Variants in DNAH11 observed in about 807,000 individuals in gnomAD.
The protein encoded by DNAH11 is axonemal beta dynein heavy chain 11.
A neutral mutation model predicts 526.0 loss-of-function variants in DNAH11; 442 were observed. That is an observed-to-expected ratio of 0.84 (90% CI 0.78 to 0.91). The LOEUF (loss-of-function observed/expected upper bound fraction) is 0.91. Ranked by LOEUF, DNAH11 falls within the 40% of genes least tolerant of loss-of-function variation. The probability of loss-of-function intolerance (pLI) is 0.00; values close to 1 mark genes in which losing one functional copy is unlikely to be tolerated. For missense variants in DNAH11, 6,989 were observed against 5,448.7 expected (o/e 1.28, Z -8.90); for synonymous variants, 2,461 against 1,935.9 (o/e 1.27, Z -7.12).
intron 2 of DNAH11, among the ~76,000 whole-genome samples, chr7:21,548,442 G>C (rs1782887403): frequency 6.6e-6 from 1 of 152,142 alleles, no homozygotes. Flanking sequence ...AGAGCTCTTT[G>C]GTTTTGGGCC....
intron 6 of DNAH11, 21 bp from the exon 7 acceptor site, chr7:21,570,048 T>C: frequency 6.5e-7 from 1 of 1,536,432 alleles, no homozygotes; most frequent in Non-Finnish European, 8.8e-7. Context: ...TTGATCATTG[T>C]TCCCTTTCAT....
At position 21,742,001 on chromosome 7, in the gene DNAH11, C is replaced by T. The variant is rs374678451; in HGVS notation, c.7989C>T (p.Ser2663=). ...ACACCATCTATGGCCAAATCTTTAG[C>T]TTCCATTTCCAACAGCAAGCATTTG... ...ALNTIYGQIF[S]FHFQQQAFAP... The change falls in exon 49 of 82, where the codon AGC becomes AGT. Residue 2663 remains serine (S), a synonymous_variant. Coordinates refer to ENST00000409508, the MANE Select transcript of DNAH11 (RefSeq NM_001277115.2). 7.2e-5 allele frequency: 116 copies of T among 1,613,842 alleles called. 2 individuals are homozygous for T. The South Asian group carries it at 1.0e-3, about 14-fold the overall frequency.
At chr7:21,691,998 A>C (rs1783650983) in intron 35 of DNAH11, among the ~76,000 whole-genome samples, 1 of 152,258 alleles carries the variant, frequency 6.6e-6, no homozygotes, top group African/African-American at 2.4e-5. Flanking sequence ...CAATGTATGC[A>C]CTTAGCAGGA....
intron 54 of DNAH11, among the ~76,000 whole-genome samples, chr7:21,755,967 T>C (rs1786616531): frequency 6.6e-6 from 1 of 152,284 alleles, no homozygotes; most frequent in African/African-American, 2.4e-5. Flanking sequence ...ATGTTATTTA[T>C]ATGTCCAGAA....
chr7:21,636,288 G>A (rs1786860370), intron 26 of DNAH11, among the ~76,000 whole-genome samples, 193 bp downstream of exon 26: 1 of 152,166 alleles, frequency 6.6e-6, no homozygotes, highest in Non-Finnish European at 1.5e-5. Context: ...CCTTCTGAAT[G>A]CTGCCATTAC....
intron 61 of DNAH11, among the ~76,000 whole-genome samples, chr7:21,794,260 T>G (rs534762566): frequency 6.6e-6 from 1 of 152,206 alleles, no homozygotes; most frequent in African/African-American, 2.4e-5. Flanking sequence ...CGCTCCTTGC[T>G]TTGTTTATTT....
At chr7:21,895,112 A>G in intron 79 of DNAH11, 113 bp downstream of exon 79, 1 of 846,548 alleles carries the variant, frequency 1.2e-6, no homozygotes, top group Non-Finnish European at 1.8e-6. Context: ...ACTGTTCTCA[A>G]CCTGTAACCG....
At chr7:21,604,186 A>C (rs368587265) in intron 18 of DNAH11, among the ~76,000 whole-genome samples, 1 of 152,218 alleles carries the variant, frequency 6.6e-6, no homozygotes, top group African/African-American at 2.4e-5. Flanking sequence ...GGCTATGCCT[A>C]CTAAGAGTTG....
intron 49 of DNAH11, among the ~76,000 whole-genome samples, chr7:21,742,821 G>A (rs560577931): frequency 3.3e-5 from 5 of 152,154 alleles, no homozygotes; most frequent in South Asian, 2.1e-4. Flanking sequence ...CTTTGTCTGC[G>A]CTTCCGTGAC....
intron 21 of DNAH11, 93 bp from the exon 22 acceptor site, chr7:21,616,116 G>C (rs1785767681): frequency 1.1e-6 from 1 of 914,472 alleles, no homozygotes; most frequent in African/African-American, 1.6e-5. Context: ...CTGGATGATA[G>C]AGTTACAGTG....
Position 21,892,664 on chromosome 7 carries a change from A to G in DNAH11, c.12747A>G (p.Glu4249=). 1 of 1,595,464 alleles carries G rather than the reference A, an allele frequency of 6.3e-7. No individual in the cohort carries two copies. The highest frequency in any genetic ancestry group is 2.3e-5 in the East Asian group (1 of 44,060). ...ATGAACTGGGGCAGTCTACAGAAGAAAAGGTAGAGGGTCTTTCCTTCCTTT... is the reference window on the plus strand; with the variant it reads ...ATGAACTGGGGCAGTCTACAGAAGAGAAGGTAGAGGGTCTTTCCTTCCTTT... ...SGDELGQSTE[E]KVKNVLDDIL... is the part of the protein sequence containing the mutation. The change falls in exon 77 of 82, where the codon GAA becomes GAG. Residue 4249 remains glutamate (E), a synonymous_variant. Transcript: ENST00000409508.
rs1287536955 is a variant in DNAH11 at position 21,600,832 on chromosome 7, C to T, written c.3157C>T (p.Leu1053Phe). The T allele has an allele frequency of 3.1e-6, 5 of 1,613,790 alleles. No homozygotes were observed. Among genetic ancestry groups the T allele is most frequent in the Middle Eastern group, 1.6e-4 (1 of 6,082 alleles). ...TCGAGCTGAGTTTATGAAGCATTTT[C>T]TCTTGTATGGCCATGCTGTGTCTTC... ...DDRAEFMKHF[L>F]LYGHAVSSDE... Residue 1053 changes from leucine (L) to phenylalanine (F), a missense_variant, in exon 16 of 82, where the codon CTC (leucine) becomes TTC (phenylalanine). Physicochemically the swap from Leu to Phe is conservative, Grantham distance 22. Transcript: ENST00000409508.
Position 21,601,528 on chromosome 7 carries a change from T to C in DNAH11, c.3558T>C (p.Thr1186=). ...CTGTAAGAAGCCGACAGAGAGCTAC[T>C]GATGAACTCTTTGAACCTCTAAAAG... The part of the protein sequence containing the change: ...LLAVRSRQRA[T]DELFEPLKET... The change falls in exon 18 of 82, where the codon ACT becomes ACC. Residue 1186 remains threonine, a synonymous_variant. Coordinates refer to ENST00000409508, the MANE Select transcript of DNAH11 (RefSeq NM_001277115.2). The C allele has an allele frequency of 6.2e-7, 1 of 1,613,688 alleles. No homozygotes were observed. Among genetic ancestry groups the C allele is most frequent in the East Asian group, 2.2e-5 (1 of 44,862 alleles).
intron 29 of DNAH11, among the ~76,000 whole-genome samples, chr7:21,656,709 G>A (rs10441053): frequency 0.086 from 13,145 of 152,178 alleles, 736 homozygotes; most frequent in African/African-American, 0.16. Flanking sequence ...AACCATTTGG[G>A]TTGGGGCAGG....
Position 21,588,568 on chromosome 7 carries a change from G to T in DNAH11, c.1905G>T (p.Met635Ile). Residue 635 changes from methionine to isoleucine, a missense_variant, in exon 11 of 82, where the codon ATG becomes ATT. Transcript: ENST00000409508. The stretch of plus-strand genomic sequence containing the variant: ...ACATGCCATTTACCTCAGGAAATAT[G>T]AAATGGGCCCAGCAGGTTCTCCAAC... ...NKNMPFTSGN[M>I]KWAQQVLQRL... 1.2e-6 allele frequency: 2 copies of T among 1,613,648 alleles called. No homozygotes were observed. The highest frequency in any genetic ancestry group is 2.2e-5 in the South Asian group (2 of 91,072).
At chr7:21,863,141 A>G (rs1236843650) in intron 69 of DNAH11, among the ~76,000 whole-genome samples, 3 of 151,860 alleles carry the variant, frequency 2.0e-5, no homozygotes, top group Non-Finnish European at 4.4e-5. Context: ...CCACATTCCT[A>G]GATAAAATAA....
rs373354778 is a variant in DNAH11 at position 21,683,798 on chromosome 7, A to G, written c.5475A>G (p.Gln1825=). The G allele has an allele frequency of 1.1e-5, 17 of 1,608,346 alleles. No homozygotes were observed. The highest frequency in any genetic ancestry group is 6.7e-5 in the African/African-American group (5 of 74,898). The change falls in exon 32 of 82, where the codon CAA becomes CAG. Residue 1825 remains glutamine, a synonymous_variant. Transcript: ENST00000409508. The part of the protein sequence containing the change: ...KLISQKVVSP[Q]AFTWLSQLRH... ...AATGCCTTTAGGTTGTCAGTCCCCA[A>G]GCTTTTACATGGCTGTCTCAACTTC... is the stretch of plus-strand genomic sequence containing the variant.
chr7:21,606,310 C>A, intron 18 of DNAH11, 116 bp from the exon 19 acceptor site: 1 of 864,658 alleles, frequency 1.2e-6, no homozygotes. Flanking sequence ...GGGATAGAGC[C>A]AGACCTTGTC....
intron 35 of DNAH11, among the ~76,000 whole-genome samples, chr7:21,694,959 A>G (rs138849919): frequency 0.012 from 1,764 of 152,314 alleles, 28 homozygotes; most frequent in African/African-American, 0.038. Context: ...AGTGATGATG[A>G]ACTTTTTTTC....
Sources: gnomAD v4.1 joint callset for allele counts (sites outside exome capture counted in the v4.1 genomes callset) on GRCh38, gnomAD v4.1.1 for gene constraint, MANE v1.5 for transcripts, NCBI Gene and HGNC (gene_info 2026-07-23, HGNC 2026-07-21) for gene names.